The following EDNRA variants were observed in gnomAD, a reference collection of about 807,000 sequenced individuals.
EDNRA encodes endothelin-1 receptor.
A neutral mutation model predicts 41.4 loss-of-function variants in EDNRA; 11 were observed. The ratio of observed to expected loss-of-function variants is 0.27; its 90% CI spans 0.17 to 0.44. The LOEUF (loss-of-function observed/expected upper bound fraction) is 0.44, where lower values mean the gene tolerates loss of function less well. Among genes scored for constraint, EDNRA ranks in the 20% least tolerant of loss-of-function variants. The pLI, the probability that EDNRA is intolerant of heterozygous loss-of-function variation, is 1.00. For synonymous variants in EDNRA, 172 were observed against 183.0 expected, an observed-to-expected ratio of 0.94 and a Z score of 0.49; for missense variants, 294 against 531.0, an observed-to-expected ratio of 0.55 and a Z score of 4.39.
At chr4:147,495,262 G>C (rs1729266395) in intron 2 of EDNRA, 1 of 152,154 alleles carries the variant, frequency 6.6e-6, no homozygotes, top group Non-Finnish European at 1.5e-5. Flanking sequence ...CTGCCGTACT[G>C]TTCTTCCACA....
chr4:147,501,951 C>G (rs939761207), intron 2 of EDNRA, among the ~76,000 whole-genome samples: 18 of 152,206 alleles, frequency 1.2e-4, no homozygotes, highest in African/African-American at 4.1e-4. Flanking sequence ...AATAATTGTG[C>G]TGTCTTGCAC....
intron 2 of EDNRA, among the ~76,000 whole-genome samples, chr4:147,518,566 G>A (rs1730200179): frequency 6.6e-6 from 1 of 152,204 alleles, no homozygotes; most frequent in South Asian, 2.1e-4. Flanking sequence ...CACAGAGTGA[G>A]AGACTGCCCT....
intron 2 of EDNRA, among the ~76,000 whole-genome samples, chr4:147,497,572 C>G (rs1578781805): frequency 6.6e-6 from 1 of 151,638 alleles, no homozygotes. Context: ...CAAGTATTTT[C>G]TTGGACTTTT....
At chr4:147,502,264 T>C (rs1400840182) in intron 2 of EDNRA, among the ~76,000 whole-genome samples, 1 of 152,190 alleles carries the variant, frequency 6.6e-6, no homozygotes, top group Non-Finnish European at 1.5e-5. Flanking sequence ...CATAGAAAAT[T>C]AGATATTTTT....
In EDNRA at chr4:147,485,618, A is replaced by C. The variant is rs111420520; in HGVS notation, c.-64A>C. 5.3e-6 allele frequency: 8 copies of C among 1,501,342 alleles called. No individual in the cohort carries two copies. Among genetic ancestry groups the C allele is most frequent in the Non-Finnish European group, 7.1e-6 (8 of 1,122,012 alleles). The allele number at this position is 1,501,342 out of a possible 1,614,324, so 93.0% of individuals were successfully genotyped here. ...ATTTTTCCTTTTGTTTCAGGTGAAA[A>C]AAAAGTGAAGGTGTAAAAGCAGCAC... On this transcript the variant is annotated 5_prime_UTR_variant, in exon 2 of 8. Coordinates refer to ENST00000651419, the MANE Select transcript of EDNRA (RefSeq NM_001957.4).
intron 1 of EDNRA, among the ~76,000 whole-genome samples, chr4:147,484,394 TGA>T (rs1728874629): frequency 2.6e-5 from 4 of 152,222 alleles, no homozygotes; most frequent in Admixed American, 1.3e-4. Flanking sequence ...AGCACAAGAA[TGA>T]GAGACAGGAT....
At chr4:147,514,301 T>C (rs1392418094) in intron 2 of EDNRA, among the ~76,000 whole-genome samples, 1 of 152,000 alleles carries the variant, frequency 6.6e-6, no homozygotes, top group African/African-American at 2.4e-5. Flanking sequence ...ATCCTGAATA[T>C]AGGGGAGAAC....
At chr4:147,522,703 T>C (rs959375353) in intron 3 of EDNRA, among the ~76,000 whole-genome samples, 2 of 152,294 alleles carry the variant, frequency 1.3e-5, no homozygotes, top group East Asian at 1.9e-4. Context: ...TCTTAACCAC[T>C]ATACTCAAGC....
chr4:147,509,220 TGCA>T (rs1278450524), intron 2 of EDNRA, among the ~76,000 whole-genome samples: 1 of 152,196 alleles, frequency 6.6e-6, no homozygotes, highest in Non-Finnish European at 1.5e-5. Context: ...CTATTCCTTT[TGCA>T]GCATCAGCTT....
At chr4:147,528,621 A>G (rs77249653) in intron 3 of EDNRA, among the ~76,000 whole-genome samples, 1 of 152,080 alleles carries the variant, frequency 6.6e-6, no homozygotes, top group Non-Finnish European at 1.5e-5. Context: ...GGCATGAACC[A>G]TCGCACCCGG....
At chr4:147,517,932 G>A (rs567797322) in intron 2 of EDNRA, among the ~76,000 whole-genome samples, 69 of 152,296 alleles carry the variant, frequency 4.5e-4, no homozygotes, top group South Asian at 2.7e-3. Flanking sequence ...ACCTTCACAG[G>A]ATTTCAGAGT....
At chr4:147,495,227 C>T (rs1729265306) in intron 2 of EDNRA, 2 of 152,308 alleles carry the variant, frequency 1.3e-5, no homozygotes, top group Admixed American at 1.3e-4. Context: ...CCAGCCTGAT[C>T]CCAGAGGCTG....
chr4:147,536,295 A>T (rs1164022072), intron 5 of EDNRA, among the ~76,000 whole-genome samples: 1 of 152,188 alleles, frequency 6.6e-6, no homozygotes, highest in South Asian at 2.1e-4. Context: ...GCATGTGTGT[A>T]TGTGAGTTCG....
intron 2 of EDNRA, chr4:147,490,752 G>A (rs1037984692): frequency 2.0e-5 from 3 of 152,102 alleles, no homozygotes; most frequent in Non-Finnish European, 4.4e-5. Flanking sequence ...TAGGGAGATG[G>A]GTTATAATTT....
At chr4:147,483,608 C>A (rs987773173) in intron 1 of EDNRA, among the ~76,000 whole-genome samples, 1 of 152,088 alleles carries the variant, frequency 6.6e-6, no homozygotes, top group African/African-American at 2.4e-5. Context: ...ATTGGCCAAA[C>A]CTAAGCTTTA....
Position 147,540,399 on chromosome 4 carries a change from A to G in EDNRA, c.1057A>G (p.Ile353Val). 1 of 1,613,274 alleles carries G rather than the reference A, an allele frequency of 6.2e-7. No homozygotes were observed. The highest frequency in any genetic ancestry group is 8.5e-7 in the Non-Finnish European group (1 of 1,179,546). ...TAGTTTCTTACTGCTCATGGATTAC[A>G]TCGGTATTAACTTGGCAACCATGAA... Reference protein sequence around the residue: ...LLSFLLLMDYIGINLATMNSC... With the variant: ...LLSFLLLMDYVGINLATMNSC... Residue 353 changes from isoleucine to valine, a missense_variant, in exon 7 of 8, where the codon ATC becomes GTC. Coordinates refer to ENST00000651419, the MANE Select transcript of EDNRA (RefSeq NM_001957.4).
At chr4:147,540,145 C>T (rs183392617) in intron 6 of EDNRA, among the ~76,000 whole-genome samples, 195 bp downstream of exon 6, 1 of 152,308 alleles carries the variant, frequency 6.6e-6, no homozygotes, top group African/African-American at 2.4e-5. Flanking sequence ...TCTTGCCCCT[C>T]CCCTCCTGAG....
rs553291599 is a variant in EDNRA, at chr4:147,539,765, T to C, written c.901-52T>C. 3.1e-5 allele frequency: 49 copies of C among 1,577,442 alleles called. 1 individual carries two copies. In the South Asian group the frequency reaches 5.2e-4, roughly 17 times the overall value. On this transcript the variant is annotated intron_variant, in intron 5 of 7. Transcript: ENST00000651419. Reference sequence around the variant, plus strand: ...TTCTTGGTACTGTAGTTCTTGCATCTAGTATAAAAACACTAAATTTGTTGT... The same window carrying C: ...TTCTTGGTACTGTAGTTCTTGCATCCAGTATAAAAACACTAAATTTGTTGT...
intron 2 of EDNRA, among the ~76,000 whole-genome samples, chr4:147,512,830 TG>T (rs1241386366): frequency 2.6e-5 from 4 of 152,184 alleles, no homozygotes; most frequent in Non-Finnish European, 4.4e-5. Context: ...TATCTTCTGG[TG>T]GGGTCTTTTG....
Sources: gnomAD v4.1 joint callset for allele counts (sites outside exome capture counted in the v4.1 genomes callset) on GRCh38, gnomAD v4.1.1 for gene constraint, MANE v1.5 for transcripts, NCBI Gene and HGNC (gene_info 2026-07-23, HGNC 2026-07-21) for gene names.